The following RBFOX1 variants were observed in gnomAD, a reference collection of about 807,000 sequenced individuals.
RBFOX1 encodes the protein RNA binding protein fox-1 homolog 1.
RBFOX1 carries 8 observed loss-of-function variants against 57.7 expected under a neutral mutation model. The observed-to-expected ratio is 0.14, with a 90% CI of 0.08 to 0.25. The LOEUF is 0.25. Among genes scored for constraint, RBFOX1 ranks in the 10% least tolerant of loss-of-function variants. The probability of loss-of-function intolerance (pLI) is 1.00; values close to 1 mark genes in which losing one functional copy is unlikely to be tolerated. For missense variants in RBFOX1, 611 were observed against 548.5 expected (o/e 1.11, Z -1.14); for synonymous variants, 326 against 222.4 (o/e 1.47, Z -4.15).
In RBFOX1 at chr16:6,914,374, A is replaced by C. The variant is rs188189058; in HGVS notation, c.-15-137683A>C. On this transcript the variant is annotated intron_variant, in intron 3 of 15. Coordinates refer to ENST00000550418, the MANE Select transcript of RBFOX1 (RefSeq NM_018723.4). ...TACAGGGTCGGCTGATAAGTATTCT[A>C]CTTTTCATGATTCAGAATCTACAAG... Among the ~76,000 whole-genome samples, 11 of 152,220 alleles carry C rather than the reference A, an allele frequency of 7.2e-5. No individual in the cohort carries two copies. In the South Asian group the frequency reaches 2.1e-3, roughly 29 times the overall value.
At position 7,146,975 on chromosome 16, in the gene RBFOX1, CTTTTTTTTTTTT is replaced by C. The variant is rs1187614171; in HGVS notation, c.27+94888_27+94899del. Among the ~76,000 whole-genome samples the C allele has an allele frequency of 1.3e-3, 33 of 25,756 alleles. 3 individuals carry two copies. Among genetic ancestry groups the C allele is most frequent in the African/African-American group, 6.6e-3 (31 of 4,688 alleles). 16.9% of individuals were successfully genotyped at this position (25,756 alleles called of 152,430 possible). Reference sequence around the variant, plus strand: ...AAATAATGATAAAAAAGAACAACGACTTTTTTTTTTTTTTTTTTTTTTGAGATGGCGTCTCCC... The same window carrying C: ...AAATAATGATAAAAAAGAACAACGACTTTTTTTTTTGAGATGGCGTCTCCC... On this transcript the variant is annotated intron_variant, in intron 4 of 15. Transcript: ENST00000550418.
intron 1 of RBFOX1, among the ~76,000 whole-genome samples, chr16:6,195,742 G>A (rs114296306): frequency 0.021 from 3,173 of 151,874 alleles, 117 homozygotes; most frequent in African/African-American, 0.073. Flanking sequence ...AAAAAAAAAG[G>A]TTTGTAGAAT....
At chr16:6,721,507 A>T (rs952578288) in intron 3 of RBFOX1, among the ~76,000 whole-genome samples, 1 of 152,156 alleles carries the variant, frequency 6.6e-6, no homozygotes, top group Non-Finnish European at 1.5e-5. Flanking sequence ...TGTTAAATGC[A>T]TTCATATTTT....
At chr16:6,641,789 C>T (rs58745545) in intron 2 of RBFOX1, among the ~76,000 whole-genome samples, 83,377 of 146,162 alleles carry the variant, frequency 0.57, 25,094 homozygotes, top group South Asian at 0.81. Context: ...TAGGTTCTGC[C>T]CTGAGCCTTT....
chr16:5,353,979 A>G (rs981455023), intron 1 of RBFOX1, among the ~76,000 whole-genome samples: 1 of 152,130 alleles, frequency 6.6e-6, no homozygotes, highest in African/African-American at 2.4e-5. Flanking sequence ...CGGAGGGGCC[A>G]CTAGCTCAGC....
chr16:6,697,427 G>A (rs1324016902), intron 3 of RBFOX1, among the ~76,000 whole-genome samples: 1 of 152,082 alleles, frequency 6.6e-6, no homozygotes, highest in Non-Finnish European at 1.5e-5. Flanking sequence ...AAATATACTG[G>A]CTCATAGGAA....
rs545986943 is a variant in RBFOX1 at position 6,696,879 on chromosome 16, G to C, written c.-16+42229G>C. Among the ~76,000 whole-genome samples the C allele has an allele frequency of 3.3e-5, 5 of 152,160 alleles. No individual in the cohort carries two copies. The South Asian group carries it at 8.3e-4, about 25-fold the overall frequency. On this transcript the variant is annotated intron_variant, in intron 3 of 15. Coordinates refer to ENST00000550418, the MANE Select transcript of RBFOX1 (RefSeq NM_018723.4). ...AGAAATAGTATTTTGTCTTACTAAA[G>C]CACATGTTTAAGAAATGGAGATTGC... is the stretch of plus-strand genomic sequence containing the variant.
At chr16:5,892,388 T>C (rs2058064632) in intron 4 of RBFOX1, among the ~76,000 whole-genome samples, 1 of 152,194 alleles carries the variant, frequency 6.6e-6, no homozygotes, top group Non-Finnish European at 1.5e-5. Flanking sequence ...GGATGACCTC[T>C]GTCCATGACT....
chr16:7,699,196 TTTTCTC>T (rs2079818352), intron 14 of RBFOX1, among the ~76,000 whole-genome samples: 1 of 152,170 alleles, frequency 6.6e-6, no homozygotes. Flanking sequence ...ATCAGGGACC[TTTTCTC>T]TTTGAGATAG....
intron 1 of RBFOX1, among the ~76,000 whole-genome samples, chr16:5,360,896 A>G (rs2065529886): frequency 6.6e-6 from 1 of 152,138 alleles, no homozygotes; most frequent in Admixed American, 6.5e-5. Context: ...CCAGCAGCAC[A>G]AGCACATCAA....
chr16:5,679,928 A>G (rs888793757), intron 3 of RBFOX1, among the ~76,000 whole-genome samples: 3 of 152,212 alleles, frequency 2.0e-5, no homozygotes, highest in Non-Finnish European at 2.9e-5. Context: ...TGTTCTATTC[A>G]TGCTTCCTGT....
intron 2 of RBFOX1, among the ~76,000 whole-genome samples, chr16:5,577,313 C>G (rs956380240): frequency 6.6e-6 from 1 of 152,220 alleles, no homozygotes; most frequent in Non-Finnish European, 1.5e-5. Flanking sequence ...GTAGTGGGAT[C>G]AAGCTCTTCC....
chr16:5,602,910 C>T (rs571570896), downstream of RBFOX1, among the ~76,000 whole-genome samples: 3 of 152,260 alleles, frequency 2.0e-5, no homozygotes, highest in East Asian at 1.9e-4. Flanking sequence ...GGAGAGCTGA[C>T]GGCATATTCG....
intron 4 of RBFOX1, among the ~76,000 whole-genome samples, chr16:7,101,533 G>C (rs868211421): frequency 1.3e-5 from 2 of 152,094 alleles, no homozygotes; most frequent in Admixed American, 6.6e-5. Context: ...CCAACCAAAA[G>C]CATTCACAGA....
chr16:6,749,428 G>C (rs149263175), intron 3 of RBFOX1, among the ~76,000 whole-genome samples: 1 of 152,108 alleles, frequency 6.6e-6, no homozygotes, highest in Non-Finnish European at 1.5e-5. Context: ...TTGCTGTTAC[G>C]GTCACTCAGG....
chr16:7,183,409 C>A (rs1001556815), intron 4 of RBFOX1, among the ~76,000 whole-genome samples: 7 of 152,182 alleles, frequency 4.6e-5, no homozygotes, highest in Admixed American at 4.6e-4. Context: ...GGCCAGTGGG[C>A]ACCATGAAAG....
intron 3 of RBFOX1, among the ~76,000 whole-genome samples, chr16:6,934,110 C>G (rs1181763213): frequency 6.6e-6 from 1 of 152,122 alleles, no homozygotes; most frequent in East Asian, 1.9e-4. Flanking sequence ...GGCAATGCTC[C>G]TCTGCCACCC....
intron 2 of RBFOX1, among the ~76,000 whole-genome samples, chr16:6,465,268 G>C (rs2095019954): frequency 6.6e-6 from 1 of 152,124 alleles, no homozygotes; most frequent in Admixed American, 6.5e-5. Flanking sequence ...TTTTGTTGTT[G>C]TTATTGTTGT....
At chr16:5,241,683 G>T (rs912543619) in intron 1 of RBFOX1, among the ~76,000 whole-genome samples, 1 of 152,244 alleles carries the variant, frequency 6.6e-6, no homozygotes. Flanking sequence ...AGGGAAGCTC[G>T]TCCATAGAAG....
Sources: allele counts gnomAD v4.1 joint callset (sites outside exome capture counted in the v4.1 genomes callset), GRCh38; gene constraint gnomAD v4.1.1; transcripts MANE v1.5; gene names NCBI Gene and HGNC (gene_info 2026-07-23, HGNC 2026-07-21).